Variants in SLC6A3 observed in about 807,000 individuals in gnomAD.
The protein encoded by SLC6A3 is sodium-dependent dopamine transporter.
Under a neutral mutation model 70.4 loss-of-function variants are expected in SLC6A3, and 19 were observed. The observed-to-expected ratio is 0.27, with a 90% CI of 0.19 to 0.40. The LOEUF (loss-of-function observed/expected upper bound fraction) is 0.40, where lower values mean the gene tolerates loss of function less well. SLC6A3 is among the 10% of genes least tolerant of loss of function. The pLI is 1.00. For synonymous variants in SLC6A3, 368 were observed against 356.6 expected (o/e 1.03, Z -0.36); for missense variants, 613 against 838.5 (o/e 0.73, Z 3.32).
At position 1,421,924 on chromosome 5, in the gene SLC6A3, G is replaced by A. The variant is rs375466722; in HGVS notation, c.744C>T (p.Ile248=). The A allele has an allele frequency of 6.2e-6, 10 of 1,613,132 alleles. No homozygotes were observed. The highest frequency in any genetic ancestry group is 1.7e-5 in the Admixed American group (1 of 60,002). Residue 248 remains isoleucine, a synonymous_variant, in exon 5 of 15, where the codon ATC becomes ATT. Transcript: ENST00000270349. This position sits in a 1 kb window ranked among gnomAD's most constrained non-coding sequence, Gnocchi z 7.2. Reference sequence around the variant, plus strand: ...TCCAGAGGCTGAAGTAGAGCAGCACGATGACCAGCACCAGGCAGGCTGTGA... The same window carrying A: ...TCCAGAGGCTGAAGTAGAGCAGCACAATGACCAGCACCAGGCAGGCTGTGA... ...WQLTACLVLV[I]VLLYFSLWKG...
rs1560902412 is a variant in SLC6A3 at position 1,394,686 on chromosome 5, GTC to G, written c.*47_*48del. 6.3e-7 allele frequency: 1 copy of G among 1,581,384 alleles called. No individual in the cohort carries two copies. On this transcript the variant is annotated 3_prime_UTR_variant, in exon 15 of 15. Transcript: ENST00000270349. The surrounding 1 kb of genome is among the most constrained non-coding windows in gnomAD (Gnocchi z 4.7). The stretch of plus-strand genomic sequence containing the variant: ...ACTTAGATTTCCTTGGTTTGTTCGT[GTC>G]TCTCCCATTGCAGGATGACTTCCTG...
chr5:1,414,549 C>T, intron 8 of SLC6A3, 142 bp downstream of exon 8: 2 of 847,618 alleles, frequency 2.4e-6, no homozygotes, highest in Non-Finnish European at 3.5e-6. Context: ...TACCACCATC[C>T]TTCAAGAGTG....
chr5:1,426,526 A>C (rs1756579901), intron 4 of SLC6A3, among the ~76,000 whole-genome samples: 1 of 152,214 alleles, frequency 6.6e-6, no homozygotes, highest in African/African-American at 2.4e-5. Context: ...TGGACAACAG[A>C]GTGAGATCCT....
At chr5:1,435,519 C>G (rs1056737973) in intron 3 of SLC6A3, among the ~76,000 whole-genome samples, 17 of 152,352 alleles carry the variant, frequency 1.1e-4, no homozygotes, top group African/African-American at 3.8e-4. Flanking sequence ...ATTGGCAGGG[C>G]CACCATGGGA....
intron 4 of SLC6A3, among the ~76,000 whole-genome samples, chr5:1,428,872 C>T (rs965600864): frequency 3.9e-5 from 6 of 152,104 alleles, no homozygotes; most frequent in African/African-American, 1.4e-4. Context: ...GTAGTAAAAA[C>T]GCACGATAAA....
At chr5:1,445,186 G>A (rs1272386063) in intron 1 of SLC6A3, among the ~76,000 whole-genome samples, 162 bp downstream of exon 1, 2 of 152,272 alleles carry the variant, frequency 1.3e-5, no homozygotes, top group East Asian at 3.9e-4. Flanking sequence ...CTATCGGGGG[G>A]CGCTCGGCAC....
At chr5:1,441,001 T>G (rs879265737) in intron 3 of SLC6A3, among the ~76,000 whole-genome samples, 2 of 152,142 alleles carry the variant, frequency 1.3e-5, no homozygotes, top group Non-Finnish European at 2.9e-5. Flanking sequence ...AGACCAATAA[T>G]AAAGATAGAT....
rs1275610260 is a variant in SLC6A3 at position 1,413,546 on chromosome 5, G to A, written c.1156+1145C>T. On this transcript the variant is annotated intron_variant, in intron 8 of 14. Transcript: ENST00000270349. This position sits in a 1 kb window ranked among gnomAD's most constrained non-coding sequence, Gnocchi z 7.1. ...GATCAGTCAGCAACAACACCCACAC[G>A]GGACAGGGGCTTTTCTGAGCACAAT... 2.0e-5 allele frequency among the ~76,000 whole-genome samples: 3 copies of A among 152,198 alleles called. No homozygotes were observed. Among genetic ancestry groups the A allele is most frequent in the Non-Finnish European group, 2.9e-5 (2 of 68,034 alleles).
chr5:1,443,310 T>C (rs2126416305), intron 1 of SLC6A3, 68 bp from the exon 2 acceptor site: 2 of 1,255,442 alleles, frequency 1.6e-6, no homozygotes, highest in Non-Finnish European at 1.2e-6. Flanking sequence ...GCTAGGGACA[T>C]ACCTGGTGCG....
intron 4 of SLC6A3, among the ~76,000 whole-genome samples, chr5:1,431,507 T>C (rs457894): frequency 0.38 from 45,311 of 120,506 alleles, 7,621 homozygotes; most frequent in East Asian, 0.56. Flanking sequence ...CCGGGGTGGA[T>C]AGTGAGGGAT....
intron 6 of SLC6A3, among the ~76,000 whole-genome samples, chr5:1,419,323 T>TCATCCATCCATCCATCCATCCATC (rs59372317): frequency 3.5e-5 from 5 of 142,856 alleles, no homozygotes; most frequent in Non-Finnish European, 3.0e-5. Flanking sequence ...TACCTAGCAT[T>TCATCCATCCATCCATCCATCCATC]CATCCATCCA....
At chr5:1,395,824 G>T (rs1371825613) in intron 14 of SLC6A3, among the ~76,000 whole-genome samples, 1 of 152,266 alleles carries the variant, frequency 6.6e-6, no homozygotes, top group Non-Finnish European at 1.5e-5. Flanking sequence ...GCAGTTCTCT[G>T]TCCTGCCCGC....
At chr5:1,424,663 C>A (rs1267692943) in intron 4 of SLC6A3, among the ~76,000 whole-genome samples, 5 of 152,196 alleles carry the variant, frequency 3.3e-5, no homozygotes, top group African/African-American at 1.2e-4. Flanking sequence ...AGGGGGAGGC[C>A]CAGGGAAAGT....
rs1032598989 is a variant in SLC6A3, at chr5:1,442,290, C to G, written c.286+622G>C. Among the ~76,000 whole-genome samples the G allele has an allele frequency of 6.6e-6, 1 of 152,190 alleles. No individual in the cohort carries two copies. Among genetic ancestry groups the G allele is most frequent in the Admixed American group, 6.5e-5 (1 of 15,286 alleles). On this transcript the variant is annotated intron_variant, in intron 2 of 14. Coordinates refer to ENST00000270349, the MANE Select transcript of SLC6A3 (RefSeq NM_001044.5). This position sits in a 1 kb window ranked among gnomAD's most constrained non-coding sequence, Gnocchi z 5.0. ...TCGCAGGCATCCTGTGAGGCTTCCC[C>G]CCAGATTCTTCCCCAGGCCTCCCTT...
At chr5:1,412,818 C>A (rs1756160304) in intron 8 of SLC6A3, among the ~76,000 whole-genome samples, 2 of 152,240 alleles carry the variant, frequency 1.3e-5, no homozygotes, top group Admixed American at 1.3e-4. Flanking sequence ...TCCTAAAGGT[C>A]TTTCAGGGGC....
intron 3 of SLC6A3, among the ~76,000 whole-genome samples, chr5:1,435,041 T>C (rs565802468): frequency 3.3e-5 from 5 of 152,160 alleles, no homozygotes; most frequent in South Asian, 2.1e-4. Flanking sequence ...CAGTCTGTCA[T>C]GGATTGCCTT....
intron 3 of SLC6A3, among the ~76,000 whole-genome samples, chr5:1,439,873 T>C (rs1006115827): frequency 1.4e-4 from 21 of 152,158 alleles, no homozygotes; most frequent in African/African-American, 5.1e-4. Context: ...TGGGATCAAA[T>C]CCCACTCTGC....
intron 7 of SLC6A3, 74 bp from the exon 8 acceptor site, chr5:1,414,889 A>T (rs1361186340): frequency 2.5e-5 from 40 of 1,594,400 alleles, no homozygotes; most frequent in Non-Finnish European, 3.3e-5. Flanking sequence ...CATTATTCTT[A>T]ATTTACTGTG....
chr5:1,433,430 G>A (rs1756753232), intron 3 of SLC6A3, among the ~76,000 whole-genome samples: 1 of 151,856 alleles, frequency 6.6e-6, no homozygotes. Flanking sequence ...ACCACATATG[G>A]CCACCCAGGC....
Sources: allele counts gnomAD v4.1 joint callset (sites outside exome capture counted in the v4.1 genomes callset), GRCh38; gene constraint gnomAD v4.1.1; non-coding constraint Gnocchi (gnomAD v3.1); transcripts MANE v1.5; gene names NCBI Gene and HGNC (gene_info 2026-07-23, HGNC 2026-07-21).